Variants in C4orf51 observed in about 807,000 individuals in gnomAD.
The protein encoded by C4orf51 is uncharacterized protein C4orf51.
In C4orf51, 25 loss-of-function variants were observed where a neutral mutation model predicts 25.2. The observed-to-expected ratio is 0.99, with a 90% CI of 0.72 to 1.39. The LOEUF is 1.39. Ranked by LOEUF, C4orf51 falls within the 40% of genes most tolerant of loss-of-function variation. The pLI, the probability that C4orf51 is intolerant of heterozygous loss-of-function variation, is 0.00. For missense variants in C4orf51, 252 were observed against 239.6 expected, an observed-to-expected ratio of 1.05 and a Z score of -0.34; for synonymous variants, 100 against 84.5, an observed-to-expected ratio of 1.18 and a Z score of -1.01.
rs1327441447 is a variant in C4orf51, at chr4:145,763,270, T to C, written n.167-7718T>C. 3.6e-6 allele frequency: 3 copies of C among 832,026 alleles called. No individual in the cohort carries two copies. In the Admixed American group the frequency reaches 8.0e-5, roughly 22 times the overall value. The allele number at this position is 832,026 out of a possible 1,614,324, so 51.5% of individuals were successfully genotyped here. A position where few individuals can be genotyped will look rare whatever the true frequency, so the allele number is the denominator to read the frequency against. ...GACATTTCTGTGACCCACAGCTCAA[T>C]CTTTCTTTCACTGCTCAGGCAAAGT... On this transcript the variant is annotated intron_variant and non_coding_transcript_variant, in intron 1 of 1. Coordinates refer to the C4orf51 transcript ENST00000510096. This position sits in a 1 kb window ranked among gnomAD's most constrained non-coding sequence, Gnocchi z 4.6.
chr4:145,745,869 A>G (rs1466064792), intron 1 of C4orf51, among the ~76,000 whole-genome samples: 1 of 151,588 alleles, frequency 6.6e-6, no homozygotes, highest in Non-Finnish European at 1.5e-5. Flanking sequence ...TTTTCTCTAC[A>G]TCCTCACCAG....
At chr4:145,689,937 G>T (rs1729426080) in intron 1 of C4orf51, among the ~76,000 whole-genome samples, 1 of 152,110 alleles carries the variant, frequency 6.6e-6, no homozygotes, top group African/African-American at 2.4e-5. Flanking sequence ...GGGCGCGGTG[G>T]CTCACACCTG....
chr4:145,755,329 T>TA (rs11460400), downstream of C4orf51, among the ~76,000 whole-genome samples: 3,380 of 152,232 alleles, frequency 0.022, 92 homozygotes, highest in African/African-American at 0.067. Flanking sequence ...CTATACAGGG[T>TA]AAAAAACCAC....
chr4:145,769,081 T>TA (rs1209420782), intron 1 of C4orf51, among the ~76,000 whole-genome samples: 2 of 151,370 alleles, frequency 1.3e-5, no homozygotes, highest in Admixed American at 6.6e-5. Context: ...TGTACCCACT[T>TA]ACAATGTTTT....
rs541138526 is a variant in C4orf51 at position 145,762,639 on chromosome 4, C to A, written n.167-8349C>A. 2.0e-5 allele frequency among the ~76,000 whole-genome samples: 3 copies of A among 152,142 alleles called. No individual in the cohort carries two copies. Among genetic ancestry groups the A allele is most frequent in the Non-Finnish European group, 4.4e-5 (3 of 68,030 alleles). On this transcript the variant is annotated intron_variant and non_coding_transcript_variant, in intron 1 of 1. Transcript: ENST00000510096. This position sits in a 1 kb window ranked among gnomAD's most constrained non-coding sequence, Gnocchi z 4.9. ...GAGCTGGACACCCTAGCCTGGGCCT[C>A]TCTGTGGCTCGGTTTCTCCATCCTT...
intron 1 of C4orf51, among the ~76,000 whole-genome samples, chr4:145,687,010 G>GGA (rs113427500): frequency 1.9e-5 from 2 of 107,844 alleles, no homozygotes; most frequent in Non-Finnish European, 4.0e-5. Flanking sequence ...TGTGGGGGGG[G>GGA]CGGTTTCCTT....
the C4orf51 span, among the ~76,000 whole-genome samples, chr4:145,787,177 T>C: frequency 6.6e-6 from 1 of 152,186 alleles, no homozygotes; most frequent in Non-Finnish European, 1.5e-5. Flanking sequence ...AGAAATAGTT[T>C]TTGTCGGCCG....
At chr4:145,701,007 G>A (rs1730402625) in intron 2 of C4orf51, among the ~76,000 whole-genome samples, 2 of 152,104 alleles carry the variant, frequency 1.3e-5, no homozygotes, top group Admixed American at 6.5e-5. Context: ...AAATCAGAAG[G>A]GTTTAGGCTC....
At chr4:145,718,888 A>G (rs1731562621) in intron 2 of C4orf51, among the ~76,000 whole-genome samples, 1 of 152,204 alleles carries the variant, frequency 6.6e-6, no homozygotes, top group Admixed American at 6.5e-5. Flanking sequence ...GCTGAGCTGT[A>G]TCCTTCAGGT....
chr4:145,744,852 C>CA (rs5862745), intron 1 of C4orf51, among the ~76,000 whole-genome samples: 27,914 of 136,052 alleles, frequency 0.21, 3,512 homozygotes, highest in East Asian at 0.68. Context: ...AACTCTGTCT[C>CA]AAAAAAAAAA....
chr4:145,760,780 C>T, intron 1 of C4orf51: 1 of 1,147,908 alleles, frequency 8.7e-7, no homozygotes, highest in South Asian at 1.8e-5. Flanking sequence ...TGGCTGCCCT[C>T]AGACAGTCTC....
At chr4:145,691,346 G>A (rs191878348) in intron 1 of C4orf51, among the ~76,000 whole-genome samples, 2 of 152,314 alleles carry the variant, frequency 1.3e-5, no homozygotes, top group Non-Finnish European at 2.9e-5. Context: ...CTGTTGGTGG[G>A]AATGTAAATT....
intron 2 of C4orf51, among the ~76,000 whole-genome samples, chr4:145,705,840 A>G (rs1167383001): frequency 2.0e-5 from 3 of 152,160 alleles, no homozygotes; most frequent in Non-Finnish European, 4.4e-5. Context: ...AAGCCAAAAT[A>G]AGGGGGTGAT....
At chr4:145,713,654 T>C (rs1336758964) in intron 2 of C4orf51, among the ~76,000 whole-genome samples, 1 of 152,242 alleles carries the variant, frequency 6.6e-6, no homozygotes, top group Non-Finnish European at 1.5e-5. Flanking sequence ...GAACATTGTT[T>C]TAATGACAAC....
Position 145,765,602 on chromosome 4 carries a change from G to A in C4orf51, n.167-5386G>A, listed in dbSNP as rs756583284. The A allele has an allele frequency of 1.9e-6, 3 of 1,614,122 alleles. No individual in the cohort carries two copies. In the South Asian group the frequency reaches 3.3e-5, roughly 18 times the overall value. ...AGGGCTGGCTCCCAGGCATGACAGAGATGACCAGCAGATTGTTCCCGCCCT... is the reference window on the plus strand; with the variant it reads ...AGGGCTGGCTCCCAGGCATGACAGAAATGACCAGCAGATTGTTCCCGCCCT... On this transcript the variant is annotated intron_variant and non_coding_transcript_variant, in intron 1 of 1. Transcript: ENST00000510096. This position sits in a 1 kb window ranked among gnomAD's most constrained non-coding sequence, Gnocchi z 4.7.
At chr4:145,720,885 T>C (rs1731700021) in intron 2 of C4orf51, among the ~76,000 whole-genome samples, 1 of 152,198 alleles carries the variant, frequency 6.6e-6, no homozygotes, top group African/African-American at 2.4e-5. Flanking sequence ...TAGCCACAGC[T>C]GCCCAAGGTT....
At chr4:145,741,548 G>T (rs1008028117) in intron 1 of C4orf51, among the ~76,000 whole-genome samples, 1 of 152,102 alleles carries the variant, frequency 6.6e-6, no homozygotes, top group Non-Finnish European at 1.5e-5. Context: ...TTGGAGTGTG[G>T]CTGGAGATTA....
downstream of C4orf51, chr4:145,775,879 G>A: frequency 6.2e-7 from 1 of 1,614,194 alleles, no homozygotes; most frequent in South Asian, 1.1e-5. Flanking sequence ...CAGCTTCACG[G>A]AATGGACGGT....
intron 1 of C4orf51, among the ~76,000 whole-genome samples, chr4:145,753,180 AGTT>A (rs1733776908): frequency 1.6e-5 from 2 of 124,978 alleles, no homozygotes; most frequent in Non-Finnish European, 3.3e-5. Context: ...GTGTGTGTGT[AGTT>A]GTTAAATTTG....
Sources: gnomAD v4.1 joint callset for allele counts (sites outside exome capture counted in the v4.1 genomes callset) on GRCh38, gnomAD v4.1.1 for gene constraint, Gnocchi (gnomAD v3.1) non-coding constraint, MANE v1.5 for transcripts, NCBI Gene and HGNC (gene_info 2026-07-23, HGNC 2026-07-21) for gene names.